Variants in RORA observed in about 807,000 individuals in gnomAD.
RORA encodes the protein RAR related orphan receptor A, also known as nuclear receptor ROR-alpha.
In RORA, 7 loss-of-function variants were observed where a neutral mutation model predicts 69.5. That is an observed-to-expected ratio of 0.10 (90% CI 0.06 to 0.19). RORA has a LOEUF of 0.19. Ranked by LOEUF, RORA falls within the 10% of genes least tolerant of loss-of-function variation. The pLI is 1.00. For synonymous variants in RORA, 261 were observed against 240.8 expected, an observed-to-expected ratio of 1.08 and a Z score of -0.78; for missense variants, 457 against 663.0, an observed-to-expected ratio of 0.69 and a Z score of 3.41.
intron 1 of RORA, among the ~76,000 whole-genome samples, chr15:61,142,226 T>C: frequency 6.6e-6 from 1 of 152,176 alleles, no homozygotes; most frequent in East Asian, 1.9e-4. Flanking sequence ...CTGAATTCTC[T>C]AGCTCCCCAC....
intron 1 of RORA, among the ~76,000 whole-genome samples, chr15:61,187,793 T>A (rs1364423361): frequency 6.6e-6 from 1 of 152,168 alleles, no homozygotes; most frequent in African/African-American, 2.4e-5. Flanking sequence ...GTCTGGTGGC[T>A]TCCCCAGAAG....
chr15:60,813,941 T>C (rs1430664538), intron 1 of RORA, among the ~76,000 whole-genome samples: 1 of 152,204 alleles, frequency 6.6e-6, no homozygotes, highest in African/African-American at 2.4e-5. Flanking sequence ...TCAGTCCTGC[T>C]TAGTTCCATG....
chr15:60,629,499 G>A (rs1218720461), intron 2 of RORA, among the ~76,000 whole-genome samples: 1 of 152,148 alleles, frequency 6.6e-6, no homozygotes, highest in Non-Finnish European at 1.5e-5. Context: ...GCACATAGTG[G>A]TTCTCAAATT....
chr15:60,693,631 C>T (rs1440365334), intron 1 of RORA, among the ~76,000 whole-genome samples: 1 of 152,174 alleles, frequency 6.6e-6, no homozygotes, highest in Non-Finnish European at 1.5e-5. Context: ...AAATCACAAA[C>T]ATTCCTATTC....
chr15:60,793,284 T>C (rs1265735623), intron 1 of RORA, among the ~76,000 whole-genome samples: 2 of 152,226 alleles, frequency 1.3e-5, no homozygotes, highest in South Asian at 2.1e-4. Context: ...TTAGTCTTCA[T>C]GATCAGACAA....
At chr15:60,625,359 G>A (rs5015574) in intron 2 of RORA, among the ~76,000 whole-genome samples, 70,793 of 151,938 alleles carry the variant, frequency 0.47, 16,457 homozygotes, top group East Asian at 0.53. Flanking sequence ...CATTATTGGT[G>A]GCCACATAAA....
At chr15:61,093,467 C>T (rs2078739769) in intron 1 of RORA, among the ~76,000 whole-genome samples, 2 of 152,202 alleles carry the variant, frequency 1.3e-5, no homozygotes, top group Non-Finnish European at 2.9e-5. Flanking sequence ...CCTGGAGATA[C>T]AGACCAACAA....
At chr15:60,842,270 T>C (rs2073209051) in intron 1 of RORA, among the ~76,000 whole-genome samples, 1 of 152,162 alleles carries the variant, frequency 6.6e-6, no homozygotes, top group Non-Finnish European at 1.5e-5. Flanking sequence ...CAGCAATTTA[T>C]TTAATATCAT....
intron 2 of RORA, among the ~76,000 whole-genome samples, chr15:60,581,483 AT>A (rs2068193846): frequency 6.6e-6 from 1 of 152,212 alleles, no homozygotes; most frequent in South Asian, 2.1e-4. Context: ...ATTTTTCATA[AT>A]CTTGTGTCTA....
At chr15:60,729,236 T>G (rs1239228967) in intron 1 of RORA, among the ~76,000 whole-genome samples, 3 of 152,158 alleles carry the variant, frequency 2.0e-5, no homozygotes, top group Non-Finnish European at 2.9e-5. Context: ...CATCAAAACT[T>G]CATTGACAAA....
rs2079166331 is a variant in RORA at position 61,128,926 on chromosome 15, G to A, written c.166+100127C>T. Among the ~76,000 whole-genome samples, 1 of 152,250 alleles carries A rather than the reference G, an allele frequency of 6.6e-6. No homozygotes were observed. Among genetic ancestry groups the A allele is most frequent in the Non-Finnish European group, 1.5e-5 (1 of 68,048 alleles). On this transcript the variant is annotated intron_variant, in intron 1 of 10. Coordinates refer to ENST00000335670, the MANE Select transcript of RORA (RefSeq NM_134261.3). This position sits in a 1 kb window ranked among gnomAD's most constrained non-coding sequence, Gnocchi z 4.5. ...AGAGACACTGGCCGTGGCACCACGT[G>A]CCTGCCTTGGGCCCACTCCCTTCTA...
chr15:61,040,113 G>GAGATAT lies in RORA; in HGVS notation c.166+188939_166+188940insATATCT, dbSNP rs1491216025. On this transcript the variant is annotated intron_variant, in intron 1 of 10. Transcript: ENST00000335670. ...TCTAATGGCTATGATCACAAGCTTT[G>GAGATAT]ATATATATATATATATATATATATA... Among the ~76,000 whole-genome samples the GAGATAT allele has an allele frequency of 4.0e-3, 186 of 46,296 alleles. 5 individuals carry two copies. The highest frequency in any genetic ancestry group is 8.1e-3 in the African/African-American group (84 of 10,316). The allele number at this position is 46,296 out of a possible 152,430, so 30.4% of individuals were successfully genotyped here.
intron 1 of RORA, among the ~76,000 whole-genome samples, chr15:61,104,993 G>GCCCCCCCCCC (rs751911711): frequency 1.4e-5 from 2 of 140,818 alleles, no homozygotes; most frequent in Non-Finnish European, 3.1e-5. Context: ...TGATCATGAG[G>GCCCCCCCCCC]CGCCCCCCCC....
Position 60,778,534 on chromosome 15 carries a change from T to A in RORA, c.167-99848A>T, listed in dbSNP as rs137904881. On this transcript the variant is annotated intron_variant, in intron 1 of 10. Transcript: ENST00000335670. ...AGGATGGATTAGCAGGGCTAGAAAT[T>A]AAAGTATATTGAGTATTCTTTAATG... 1.2e-3 allele frequency among the ~76,000 whole-genome samples: 182 copies of A among 152,306 alleles called. 1 individual carries two copies. Among genetic ancestry groups the A allele is most frequent in the Non-Finnish European group, 2.2e-3 (149 of 68,032 alleles).
chr15:60,998,142 C>T (rs1894619585), intron 1 of RORA, among the ~76,000 whole-genome samples: 2 of 152,152 alleles, frequency 1.3e-5, no homozygotes, highest in Admixed American at 1.3e-4. Flanking sequence ...TTCCTTTTAA[C>T]CAAAGCTGCC....
At chr15:60,965,339 T>C (rs1893525473) in intron 1 of RORA, among the ~76,000 whole-genome samples, 1 of 152,162 alleles carries the variant, frequency 6.6e-6, no homozygotes, top group African/African-American at 2.4e-5. Context: ...TATCACCCTC[T>C]TCTCAGTCCT....
chr15:61,115,520 A>G (rs889778968), intron 1 of RORA, among the ~76,000 whole-genome samples: 1 of 152,200 alleles, frequency 6.6e-6, no homozygotes, highest in Non-Finnish European at 1.5e-5. Context: ...TTGTGGCATT[A>G]GAGTGAAGTG....
At chr15:60,846,671 G>A (rs141022462) in intron 1 of RORA, among the ~76,000 whole-genome samples, 4 of 152,250 alleles carry the variant, frequency 2.6e-5, no homozygotes, top group African/African-American at 7.2e-5. Flanking sequence ...GATGGTACCC[G>A]CAGGCTGGAT....
At chr15:61,042,002 G>C (rs1896796674) in intron 1 of RORA, among the ~76,000 whole-genome samples, 1 of 152,146 alleles carries the variant, frequency 6.6e-6, no homozygotes, top group South Asian at 2.1e-4. Flanking sequence ...AGCAGAGCTG[G>C]GGCTGGAACC....
Sources: gnomAD v4.1 joint callset for allele counts (sites outside exome capture counted in the v4.1 genomes callset) on GRCh38, gnomAD v4.1.1 for gene constraint, Gnocchi (gnomAD v3.1) non-coding constraint, MANE v1.5 for transcripts, NCBI Gene and HGNC (gene_info 2026-07-23, HGNC 2026-07-21) for gene names.